The following ZC3H11A variants were observed in gnomAD, a reference collection of about 807,000 sequenced individuals.
ZC3H11A encodes the protein zinc finger CCCH-type containing 11A.
Under a neutral mutation model 90.8 loss-of-function variants are expected in ZC3H11A, and 22 were observed. That is an observed-to-expected ratio of 0.24 (90% CI 0.17 to 0.35). ZC3H11A has a LOEUF of 0.35. Among genes scored for constraint, ZC3H11A ranks in the 10% least tolerant of loss-of-function variants. The pLI is 1.00. For synonymous variants in ZC3H11A, 294 were observed against 339.8 expected, an observed-to-expected ratio of 0.87 and a Z score of 1.48; for missense variants, 701 against 964.9, an observed-to-expected ratio of 0.73 and a Z score of 3.62.
At chr1:203,827,711 G>C (rs1482204119) in intron 4 of ZC3H11A, among the ~76,000 whole-genome samples, 5 of 152,040 alleles carry the variant, frequency 3.3e-5, no homozygotes, top group African/African-American at 1.2e-4. Context: ...GGTGACTTGG[G>C]AAGGATACCT....
intron 16 of ZC3H11A, 63 bp downstream of exon 16, chr1:203,850,744 C>G: frequency 6.4e-7 from 1 of 1,562,116 alleles, no homozygotes; most frequent in African/African-American, 1.4e-5. Context: ...GAAAGACTAA[C>G]TCTCCACTAG....
intron 1 of ZC3H11A, chr1:203,798,679 C>T: frequency 6.5e-7 from 1 of 1,536,120 alleles, no homozygotes. Flanking sequence ...ATTCCCGTTG[C>T]AGAGCAAGGC....
At chr1:203,846,813 C>T (rs558393519) in intron 12 of ZC3H11A, among the ~76,000 whole-genome samples, 1 of 152,196 alleles carries the variant, frequency 6.6e-6, no homozygotes, top group South Asian at 2.1e-4. Context: ...TTGAGGACCA[C>T]TGCCTGGAAC....
At chr1:203,847,738 A>G in intron 13 of ZC3H11A, 51 bp downstream of exon 13, 1 of 1,570,336 alleles carries the variant, frequency 6.4e-7, no homozygotes, top group Admixed American at 1.9e-5. Flanking sequence ...AATATTCCAG[A>G]GGAGTGTTCC....
intron 4 of ZC3H11A, among the ~76,000 whole-genome samples, chr1:203,823,187 A>G (rs1484057979): frequency 1.3e-5 from 2 of 152,160 alleles, no homozygotes; most frequent in African/African-American, 4.8e-5. Flanking sequence ...ATTCTCTAGG[A>G]TGTATTCAGA....
intron 10 of ZC3H11A, among the ~76,000 whole-genome samples, chr1:203,836,701 G>A (rs1233568691): frequency 6.6e-6 from 1 of 152,160 alleles, no homozygotes; most frequent in Non-Finnish European, 1.5e-5. Flanking sequence ...GCTTGAACCC[G>A]GGAGGTGGAG....
At chr1:203,803,659 G>T (rs948433496) in intron 2 of ZC3H11A, among the ~76,000 whole-genome samples, 1 of 152,220 alleles carries the variant, frequency 6.6e-6, no homozygotes, top group African/African-American at 2.4e-5. Context: ...AGGCTGGAGT[G>T]CAGTGGCATG....
rs34277550 is a variant in ZC3H11A, at chr1:203,833,364, CAA to C, written c.812-408_812-407del. 2.3e-3 allele frequency among the ~76,000 whole-genome samples: 167 copies of C among 71,130 alleles called. 1 individual carries two copies. The highest frequency in any genetic ancestry group is 4.2e-3 in the South Asian group (8 of 1,900). The allele number at this position is 71,130 out of a possible 152,430, so 46.7% of individuals were successfully genotyped here. A position where few individuals can be genotyped will look rare whatever the true frequency, so the allele number is the denominator to read the frequency against. ...TGGGCGACAGAGTGAGACTCTGTCT[CAA>C]AAAAAAAAAAAAAAAAAACACCAGG... is the stretch of plus-strand genomic sequence containing the variant. On this transcript the variant is annotated intron_variant, in intron 9 of 17. Coordinates refer to ENST00000367210, the MANE Select transcript of ZC3H11A (RefSeq NM_001376342.1).
intron 2 of ZC3H11A, among the ~76,000 whole-genome samples, chr1:203,816,030 G>A (rs960957950): frequency 1.3e-5 from 2 of 152,106 alleles, no homozygotes; most frequent in Non-Finnish European, 2.9e-5. Context: ...ACCTCTAGTC[G>A]TCTTCATTAA....
In ZC3H11A at chr1:203,832,452, C is replaced by G. The variant is rs564973865; in HGVS notation, c.811+681C>G. Reference sequence around the variant, plus strand: ...CTCCACTCACTGCAACCTCCGCCTCCCAGGTTCAAGTGATTCTCCTGCTTC... The same window carrying G: ...CTCCACTCACTGCAACCTCCGCCTCGCAGGTTCAAGTGATTCTCCTGCTTC... On this transcript the variant is annotated intron_variant, in intron 9 of 17. Transcript: ENST00000367210. Among the ~76,000 whole-genome samples the G allele has an allele frequency of 3.9e-5, 6 of 152,164 alleles. No homozygotes were observed. The East Asian group carries it at 1.2e-3, about 29-fold the overall frequency.
rs563831389 is a variant in ZC3H11A at position 203,807,027 on chromosome 1, T to G, written c.-146+4011T>G. Among the ~76,000 whole-genome samples the G allele has an allele frequency of 1.3e-5, 2 of 152,104 alleles. 1 individual carries two copies. Among genetic ancestry groups the G allele is most frequent in the East Asian group, 3.9e-4 (2 of 5,180 alleles). On this transcript the variant is annotated intron_variant, in intron 2 of 17. Coordinates refer to ENST00000367210, the MANE Select transcript of ZC3H11A (RefSeq NM_001376342.1). ...TTCCTAGTCCCAGAATAAACCTTTT[T>G]GATTATGTAGTGTTATTTATTTTAT...
At chr1:203,822,984 A>G (rs1679277464) in intron 4 of ZC3H11A, among the ~76,000 whole-genome samples, 1 of 152,170 alleles carries the variant, frequency 6.6e-6, no homozygotes, top group African/African-American at 2.4e-5. Flanking sequence ...TTGTCTCTTA[A>G]CTACATTCTA....
intron 1 of ZC3H11A, chr1:203,800,864 C>T (rs1221360895): frequency 6.5e-6 from 1 of 154,374 alleles, no homozygotes. Context: ...TGGCATTCCT[C>T]CTGCCCCTGT....
At chr1:203,822,319 C>T (rs1334703597) in intron 4 of ZC3H11A, among the ~76,000 whole-genome samples, 1 of 152,086 alleles carries the variant, frequency 6.6e-6, no homozygotes, top group African/African-American at 2.4e-5. Context: ...TCCACAAGGA[C>T]ACCTTTCTCA....
At chr1:203,831,876 G>C in intron 9 of ZC3H11A, 105 bp downstream of exon 9, 1 of 879,138 alleles carries the variant, frequency 1.1e-6, no homozygotes, top group Non-Finnish European at 1.8e-6. Context: ...TCAGGAATTT[G>C]TTAGTATGCT....
chr1:203,849,273 G>T (rs999683069), intron 14 of ZC3H11A, among the ~76,000 whole-genome samples: 4 of 152,148 alleles, frequency 2.6e-5, no homozygotes, highest in African/African-American at 9.7e-5. Context: ...ACTCTACAGT[G>T]TATCATTTTA....
chr1:203,802,714 C>CTTTTTTTTTTTTTTTTTTTT lies in ZC3H11A; in HGVS notation c.-439_-438insTTTTTTTTTTTTTTTTTTTT, dbSNP rs150416242. ...TCTCAAGTTCATCTTTAAATGAACT[C>CTTTTTTTTTTTTTTTTTTTT]TTTTTTTTTGTTTTTTTTTTGTTTT... On this transcript the variant is annotated 5_prime_UTR_variant, in exon 2 of 18. It removes the in-frame stop codon of an upstream open reading frame in the 5' UTR. Coordinates refer to ENST00000367210, the MANE Select transcript of ZC3H11A (RefSeq NM_001376342.1). 4 of 131,660 alleles carry CTTTTTTTTTTTTTTTTTTTT rather than the reference C, an allele frequency of 3.0e-5. No homozygotes were observed. The highest frequency in any genetic ancestry group is 3.3e-5 in the Non-Finnish European group (2 of 60,926). 8.2% of individuals were successfully genotyped at this position (131,660 alleles called of 1,614,324 possible). A position where few individuals can be genotyped will look rare whatever the true frequency, so the allele number is the denominator to read the frequency against.
At chr1:203,849,610 C>A in intron 14 of ZC3H11A, 101 bp from the exon 15 acceptor site, 1 of 1,091,410 alleles carries the variant, frequency 9.2e-7, no homozygotes, top group Non-Finnish European at 1.4e-6. Flanking sequence ...GATTCTGGAT[C>A]ATGTGAGATT....
At chr1:203,825,591 T>C (rs1680274402) in intron 4 of ZC3H11A, among the ~76,000 whole-genome samples, 1 of 152,140 alleles carries the variant, frequency 6.6e-6, no homozygotes, top group African/African-American at 2.4e-5. Flanking sequence ...CCCTCCACCA[T>C]GCCCAGCTAA....
Sources: allele counts gnomAD v4.1 joint callset (sites outside exome capture counted in the v4.1 genomes callset), GRCh38; gene constraint gnomAD v4.1.1; transcripts MANE v1.5; gene names NCBI Gene and HGNC (gene_info 2026-07-23, HGNC 2026-07-21).